The following HERC1 variants were observed in gnomAD, a reference collection of about 807,000 sequenced individuals.
HERC1 encodes HECT and RLD domain containing E3 ubiquitin protein ligase family member 1.
HERC1 carries 160 observed loss-of-function variants against 554.3 expected under a neutral mutation model. The observed-to-expected ratio is 0.29, with a 90% CI of 0.25 to 0.33. The LOEUF is 0.33. HERC1 is among the 10% of genes least tolerant of loss of function. The probability of loss-of-function intolerance (pLI) is 1.00; values close to 1 mark genes in which losing one functional copy is unlikely to be tolerated. For missense variants in HERC1, 4,919 were observed against 5,918.5 expected (o/e 0.83, Z 5.54); for synonymous variants, 2,175 against 2,131.7 (o/e 1.02, Z -0.56).
At chr15:63,696,079 TA>T in intron 27 of HERC1, 44 bp downstream of exon 27, 2 of 1,391,676 alleles carry the variant, frequency 1.4e-6, no homozygotes, top group Non-Finnish European at 2.0e-6. Flanking sequence ...AGTGGCTTTG[TA>T]AAATGACAGT....
chr15:63,793,094 C>A (rs971547951), intron 1 of HERC1, among the ~76,000 whole-genome samples: 1 of 152,220 alleles, frequency 6.6e-6, no homozygotes, highest in Non-Finnish European at 1.5e-5. Flanking sequence ...AGGGCTTTCA[C>A]GCCCTCTCTG....
rs561589959 is a variant in HERC1, at chr15:63,737,427, GAT to G, written c.2521-2580_2521-2579del. On this transcript the variant is annotated intron_variant, in intron 12 of 77. Coordinates refer to ENST00000443617, the MANE Select transcript of HERC1 (RefSeq NM_003922.4). ...TATATATATATATATCTTTTTTCCAGATATATATATATATATCTTTTTTCCAG... is the reference window on the plus strand; with the variant it reads ...TATATATATATATATCTTTTTTCCAGATATATATATATATCTTTTTTCCAG... Among the ~76,000 whole-genome samples, 205 of 88,470 alleles carry G rather than the reference GAT, an allele frequency of 2.3e-3. 2 individuals carry two copies. Among genetic ancestry groups the G allele is most frequent in the Middle Eastern group, 7.1e-3 (1 of 140 alleles). The allele number at this position is 88,470 out of a possible 152,430, so 58.0% of individuals were successfully genotyped here. A position where few individuals can be genotyped will look rare whatever the true frequency, so the allele number is the denominator to read the frequency against.
intron 1 of HERC1, among the ~76,000 whole-genome samples, chr15:63,811,339 G>T (rs1444485080): frequency 2.6e-5 from 4 of 152,190 alleles, no homozygotes; most frequent in Non-Finnish European, 4.4e-5. Flanking sequence ...AAAGCAAAAT[G>T]TATGCATGTT....
rs762436545 is a variant in HERC1 at position 63,630,569 on chromosome 15, A to G, written c.12863T>C (p.Leu4288Pro). 1 of 1,614,094 alleles carries G rather than the reference A, an allele frequency of 6.2e-7. No homozygotes were observed. The highest frequency in any genetic ancestry group is 8.5e-7 in the Non-Finnish European group (1 of 1,179,902). The change falls in exon 69 of 78, where the codon CTG becomes CCG. Residue 4288 changes from leucine to proline, a missense_variant. Physicochemically the swap from Leu to Pro is moderately conservative, Grantham distance 98. Around this residue, in one of 11 missense-constraint regions of HERC1, gnomAD observed 410 missense variants for 467.0 expected, o/e 0.88. Transcript: ENST00000443617. The part of the protein sequence containing the change: ...NHNRPQQIPV[L>P]AGVIIEDVAV... Reference sequence around the variant, plus strand: ...CACATCTTCTATGATTACTCCAGCCAGGACAGGGATTTGTTGCGGTCGATT... The same window carrying G: ...CACATCTTCTATGATTACTCCAGCCGGGACAGGGATTTGTTGCGGTCGATT...
chr15:63,711,709 G>A (rs1277828984), intron 24 of HERC1, among the ~76,000 whole-genome samples: 2 of 152,096 alleles, frequency 1.3e-5, no homozygotes, highest in Non-Finnish European at 2.9e-5. Flanking sequence ...CATCTCAAAC[G>A]CTAGCATTTC....
At chr15:63,643,240 T>A (rs1383215699) in intron 58 of HERC1, among the ~76,000 whole-genome samples, 164 bp downstream of exon 58, 2 of 152,216 alleles carry the variant, frequency 1.3e-5, no homozygotes, top group Non-Finnish European at 2.9e-5. Context: ...AAAACACTTA[T>A]CATCAGTAAG....
Position 63,774,717 on chromosome 15 carries a change from A to G in HERC1, c.907T>C (p.Leu303=), listed in dbSNP as rs375497427. The G allele has an allele frequency of 2.9e-5, 46 of 1,610,152 alleles. No homozygotes were observed. Among genetic ancestry groups the G allele is most frequent in the Non-Finnish European group, 3.6e-5 (42 of 1,178,488 alleles). Residue 303 remains leucine, a synonymous_variant, in exon 2 of 78, where the codon TTA becomes CTA. Transcript: ENST00000443617. ...ACCAAAGAACGCCTCATCTGCATTA[A>G]TATGGTCATAAAGCAGTCAAAGCTG... ...MISFDCFMTI[L]MQMRRSLGSS...
At chr15:63,626,185 G>C in intron 70 of HERC1, 31 bp from the exon 71 acceptor site, 1 of 1,603,452 alleles carries the variant, frequency 6.2e-7, no homozygotes, top group Non-Finnish European at 8.5e-7. Context: ...CACTTATGAA[G>C]GAAACAGCAT....
intron 30 of HERC1, among the ~76,000 whole-genome samples, chr15:63,693,586 T>C (rs1278014525): frequency 2.8e-5 from 4 of 143,194 alleles, no homozygotes; most frequent in Non-Finnish European, 6.3e-5. Context: ...AGATGGCTTG[T>C]CAGGATCAAG....
In HERC1 at chr15:63,713,582, C is replaced by T. The variant is rs370921477; in HGVS notation, c.4234G>A (p.Ala1412Thr). ...DRMNSGAGSG[A>T]RADDPPPQSQ... ...TGAGGAGGTGGATCATCAGCTCGAG[C>T]CCCAGACCCTGCCCCACTGTTCATT... Residue 1412 changes from alanine (A) to threonine (T), a missense_variant, in exon 23 of 78, where the codon GCT becomes ACT. Transcript: ENST00000443617. 27 of 1,613,752 alleles carry T rather than the reference C, an allele frequency of 1.7e-5. No homozygotes were observed. The highest frequency in any genetic ancestry group is 2.3e-5 in the Non-Finnish European group (27 of 1,179,854).
At chr15:63,716,747 C>G (rs537763819) in intron 21 of HERC1, among the ~76,000 whole-genome samples, 2 of 152,176 alleles carry the variant, frequency 1.3e-5, no homozygotes, top group Non-Finnish European at 2.9e-5. Flanking sequence ...TGCTATTCAG[C>G]TATAAATTCC....
At chr15:63,750,174 A>G (rs962421708) in intron 8 of HERC1, among the ~76,000 whole-genome samples, 1 of 152,252 alleles carries the variant, frequency 6.6e-6, no homozygotes, top group Non-Finnish European at 1.5e-5. Context: ...ATTTAAGATT[A>G]GAACAAGGTA....
intron 59 of HERC1, among the ~76,000 whole-genome samples, chr15:63,642,575 C>A (rs2069122970): frequency 6.6e-6 from 1 of 152,150 alleles, no homozygotes; most frequent in Non-Finnish European, 1.5e-5. Context: ...GGACCTTGAG[C>A]AATCTGCCCA....
Position 63,616,515 on chromosome 15 carries a change from T to A in HERC1, c.13856A>T (p.Glu4619Val). 1 of 1,613,954 alleles carries A rather than the reference T, an allele frequency of 6.2e-7. No individual in the cohort carries two copies. The highest frequency in any genetic ancestry group is 8.5e-7 in the Non-Finnish European group (1 of 1,179,874). The change falls in exon 75 of 78, where the codon GAG (glutamate) becomes GTG (valine). Residue 4619 changes from glutamate to valine, a missense_variant. This residue lies in a region of HERC1 where 284 missense variants were observed against 294.1 expected (regional missense o/e 0.97). Transcript: ENST00000443617. ...CCVPLTLEDL[E>V]EVDLLYVQTL... ...CTGCACGTAGAGCAGATCCACCTCC[T>A]CCAGGTCCTCTAGGGTGAGTGGGAC...
At position 63,630,201 on chromosome 15, in the gene HERC1, G is replaced by T. The variant is rs74018152; in HGVS notation, c.12966+265C>A. Among the ~76,000 whole-genome samples, 1,631 of 152,248 alleles carry T rather than the reference G, an allele frequency of 0.011. 28 individuals are homozygous for T. Among genetic ancestry groups the T allele is most frequent in the African/African-American group, 0.037 (1,557 of 41,528 alleles). On this transcript the variant is annotated intron_variant, in intron 69 of 77. Coordinates refer to ENST00000443617, the MANE Select transcript of HERC1 (RefSeq NM_003922.4). ...TGCCAGGCACTTAACAGTGTATGAG[G>T]ACACACACATAAATACTCAGCCAAT... is the stretch of plus-strand genomic sequence containing the variant.
chr15:63,816,341 C>T (rs930637132), intron 1 of HERC1, among the ~76,000 whole-genome samples: 1 of 152,212 alleles, frequency 6.6e-6, no homozygotes, highest in East Asian at 1.9e-4. Context: ...TTGGGAAATG[C>T]TGCTGCTCCA....
intron 45 of HERC1, among the ~76,000 whole-genome samples, 200 bp downstream of exon 45, chr15:63,661,553 G>C (rs1398578411): frequency 6.6e-6 from 1 of 152,166 alleles, no homozygotes; most frequent in Non-Finnish European, 1.5e-5. Context: ...TCAAACTCCA[G>C]GGAAGGATAT....
intron 66 of HERC1, among the ~76,000 whole-genome samples, chr15:63,634,178 T>C (rs1217671034): frequency 6.6e-6 from 1 of 152,184 alleles, no homozygotes; most frequent in Non-Finnish European, 1.5e-5. Flanking sequence ...TTCTTCAAAG[T>C]GAAATCCTTC....
chr15:63,800,897 T>G (rs1159472759), intron 1 of HERC1, among the ~76,000 whole-genome samples: 2 of 152,040 alleles, frequency 1.3e-5, no homozygotes, highest in Non-Finnish European at 2.9e-5. Context: ...AACCAAGTGA[T>G]AAAAGTGTTG....
Sources: gnomAD v4.1 joint callset for allele counts (sites outside exome capture counted in the v4.1 genomes callset) on GRCh38, gnomAD v4.1.1 for gene constraint, gnomAD v4.1.1 regional missense constraint, MANE v1.5 for transcripts, NCBI Gene and HGNC (gene_info 2026-07-23, HGNC 2026-07-21) for gene names.